The following KNCN variants were observed in gnomAD, a reference collection of about 807,000 sequenced individuals.
KNCN encodes kinocilin.
Under a neutral mutation model 10.4 loss-of-function variants are expected in KNCN, and 11 were observed. That is an observed-to-expected ratio of 1.06 (90% CI 0.67 to 1.75). KNCN has a LOEUF of 1.75. KNCN is among the 40% of genes most tolerant of loss of function. The pLI is 0.00. For missense variants in KNCN, 172 were observed against 167.1 expected (o/e 1.03, Z -0.16); for synonymous variants, 67 against 71.6 (o/e 0.94, Z 0.33).
chr1:46,549,956 C>T lies in KNCN; in HGVS notation c.198G>A (p.Leu66=), dbSNP rs756915785. 56 of 1,550,478 alleles carry T rather than the reference C, an allele frequency of 3.6e-5. No individual in the cohort carries two copies. Among genetic ancestry groups the T allele is most frequent in the Non-Finnish European group, 4.9e-5 (56 of 1,147,008 alleles). The change falls in exon 2 of 4, where the codon CTG becomes CTA. Residue 66 remains leucine (L), a synonymous_variant. Transcript: ENST00000481882. ...CACCTATGGTAGGCAGGATGTGGTC[C>T]AGGTTGAACCGAGCCTTCAGGAAGG... The part of the protein sequence containing the change: ...AYPFLKARFN[L]DHILPTIGSL...
chr1:46,547,917 C>A (rs1275488153), intron 3 of KNCN, 108 bp from the exon 4 acceptor site: 38 of 742,270 alleles, frequency 5.1e-5, no homozygotes, highest in Non-Finnish European at 7.4e-5. Context: ...CTGGTTGACC[C>A]CAGGGCAGAG....
At position 46,547,303 on chromosome 1, in the gene KNCN, TG is replaced by T. The variant is rs1666962766; in HGVS notation, c.*426del. On this transcript the variant is annotated 3_prime_UTR_variant, in exon 4 of 4. Transcript: ENST00000481882. The stretch of plus-strand genomic sequence containing the variant: ...ACCGTGGGGGTGGAGGGTCCCTGTC[TG>T]TGGTTCTTGTGGGCCTGTGGTTCAC... The T allele has an allele frequency of 9.0e-6, 4 of 444,284 alleles. No homozygotes were observed. The highest frequency in any genetic ancestry group is 4.9e-5 in the Admixed American group (2 of 41,102). 27.5% of individuals were successfully genotyped at this position (444,284 alleles called of 1,614,324 possible). A position where few individuals can be genotyped will look rare whatever the true frequency, so the allele number is the denominator to read the frequency against.
chr1:46,549,294 C>A (rs747434474), intron 2 of KNCN, 27 bp from the exon 3 acceptor site: 21 of 1,556,798 alleles, frequency 1.3e-5, no homozygotes, highest in Non-Finnish European at 1.7e-5. Context: ...CCCCAAGCCC[C>A]CTGATTACTG....
Position 46,551,137 on chromosome 1 carries a change from T to TGCTGCCA in KNCN, c.72_78dup (p.Ile27TrpfsTer98). 1 of 1,611,468 alleles carries TGCTGCCA rather than the reference T, an allele frequency of 6.2e-7. No individual in the cohort carries two copies. Among genetic ancestry groups the TGCTGCCA allele is most frequent in the Non-Finnish European group, 8.5e-7 (1 of 1,178,792 alleles). ...TTGGATACGGAGATGCCGATAATGA[T>TGCTGCCA]GCTGCCAGCCACCAGCCCGAGAGCC... On this transcript the variant is annotated frameshift_variant, in exon 1 of 4. Coordinates refer to ENST00000481882, the MANE Select transcript of KNCN (RefSeq NM_001322255.2). LOFTEE classifies it high-confidence loss of function. The surrounding 1 kb of genome is among the most constrained non-coding windows in gnomAD (Gnocchi z 4.0).
Position 46,547,005 on chromosome 1 carries a change from G to T in KNCN, c.*725C>A. ...CTTGTTCAGGGAGCAGTGAGAAGAT[G>T]GGAGGAAGAGAGAAGTCAGATCACA... On this transcript the variant is annotated 3_prime_UTR_variant, in exon 4 of 4. Coordinates refer to ENST00000481882, the MANE Select transcript of KNCN (RefSeq NM_001322255.2). The T allele has an allele frequency of 5.0e-6, 1 of 199,234 alleles. No individual in the cohort carries two copies. The highest frequency in any genetic ancestry group is 1.1e-5 in the Non-Finnish European group (1 of 94,792). 12.3% of individuals were successfully genotyped at this position (199,234 alleles called of 1,614,324 possible).
intron 1 of KNCN, among the ~76,000 whole-genome samples, chr1:46,550,593 C>A (rs1356055639): frequency 6.6e-6 from 1 of 152,160 alleles, no homozygotes; most frequent in Non-Finnish European, 1.5e-5. Context: ...GCGGGGCAAT[C>A]AGTGGGCGTG....
chr1:46,549,332 G>C, intron 2 of KNCN, 65 bp from the exon 3 acceptor site: 2 of 1,232,948 alleles, frequency 1.6e-6, no homozygotes, highest in South Asian at 2.8e-5. Context: ...AGCCTAGGTT[G>C]GGAAGGGAAG....
At chr1:46,548,859 G>T (rs1015560078) in intron 3 of KNCN, among the ~76,000 whole-genome samples, 4 of 152,366 alleles carry the variant, frequency 2.6e-5, no homozygotes, top group Admixed American at 2.6e-4. Flanking sequence ...GATGGATTCA[G>T]GCTGGGCACG....
rs1455861707 is a variant in KNCN, at chr1:46,549,248, G to T, written c.240C>A (p.Pro80=). Residue 80 remains proline, a synonymous_variant, in exon 3 of 4, where the codon CCC becomes CCA. Coordinates refer to ENST00000481882, the MANE Select transcript of KNCN (RefSeq NM_001322255.2). ...LPTIGSLRIH[P]HPGADHGEGR... ...CTTCCCCGTGGTCTGCCCCTGGATG[G>T]GGATGGATTCTTAGGCTCCCTGCAG... 1 of 1,613,158 alleles carries T rather than the reference G, an allele frequency of 6.2e-7. No homozygotes were observed. Among genetic ancestry groups the T allele is most frequent in the Admixed American group, 1.7e-5 (1 of 59,944 alleles).
rs766358880 is a variant in KNCN, at chr1:46,549,267, C to T, written c.221G>A (p.Gly74Glu). 2 of 1,611,900 alleles carry T rather than the reference C, an allele frequency of 1.2e-6. No homozygotes were observed. The highest frequency in any genetic ancestry group is 2.2e-5 in the South Asian group (2 of 90,596). Residue 74 changes from glycine to glutamate, a missense_variant and splice_region_variant, in exon 3 of 4, where the codon GGG (glycine) becomes GAG (glutamate). Transcript: ENST00000481882. The stretch of plus-strand genomic sequence containing the variant: ...TGGATGGGGATGGATTCTTAGGCTC[C>T]CTGCAGGATGAGACCACCCCAAGCC... ...FNLDHILPTI[G>E]SLRIHPHPGA...
intron 3 of KNCN, among the ~76,000 whole-genome samples, 183 bp from the exon 4 acceptor site, chr1:46,547,992 C>T (rs534397649): frequency 7.2e-5 from 11 of 152,174 alleles, no homozygotes; most frequent in Non-Finnish European, 1.3e-4. Context: ...AAAGAGGTAC[C>T]TCCAGTCAGG....
chr1:46,549,826 C>A, intron 2 of KNCN, 108 bp downstream of exon 2: 1 of 1,538,890 alleles, frequency 6.5e-7, no homozygotes, highest in South Asian at 1.2e-5. Flanking sequence ...CTAGCGCGGT[C>A]TCACACATGG....
At position 46,549,268 on chromosome 1, in the gene KNCN, C is replaced by T. The variant is rs1224768854; in HGVS notation, c.221-1G>A. ...GGATGGGGATGGATTCTTAGGCTCC[C>T]TGCAGGATGAGACCACCCCAAGCCC... On this transcript the variant is annotated splice_acceptor_variant, in intron 2 of 3. Transcript: ENST00000481882. LOFTEE classifies it high-confidence loss of function. 6.2e-7 allele frequency: 1 copy of T among 1,611,400 alleles called. No individual in the cohort carries two copies. Among genetic ancestry groups the T allele is most frequent in the South Asian group, 1.1e-5 (1 of 90,444 alleles).
chr1:46,550,079 G>C, intron 1 of KNCN, 77 bp from the exon 2 acceptor site: 2 of 1,548,804 alleles, frequency 1.3e-6, no homozygotes, highest in Middle Eastern at 2.0e-4. Flanking sequence ...CTGGGAGCCT[G>C]AGGGGTGGTT....
intron 2 of KNCN, chr1:46,549,675 G>A: frequency 3.4e-6 from 2 of 595,150 alleles, no homozygotes; most frequent in Non-Finnish European, 5.9e-6. Flanking sequence ...GCTTTGGGGA[G>A]TCATAAAATC....
In KNCN at chr1:46,547,716, G is replaced by A. The variant is rs1443210819; in HGVS notation, c.*14C>T. The A allele has an allele frequency of 5.3e-5, 81 of 1,516,230 alleles. No homozygotes were observed. Among genetic ancestry groups the A allele is most frequent in the Middle Eastern group, 1.7e-4 (1 of 5,734 alleles). The allele number at this position is 1,516,230 out of a possible 1,614,324, so 93.9% of individuals were successfully genotyped here. A position where few individuals can be genotyped will look rare whatever the true frequency, so the allele number is the denominator to read the frequency against. On this transcript the variant is annotated 3_prime_UTR_variant, in exon 4 of 4. Transcript: ENST00000481882. ...ATGGGAGGGCAGGGCATGGGCAGCC[G>A]CTCAGACTTTGCCTCAGCATTCCTC...
In KNCN at chr1:46,547,265, G is replaced by GC. The variant is rs1391045507; in HGVS notation, c.*464dup. On this transcript the variant is annotated 3_prime_UTR_variant, in exon 4 of 4. Transcript: ENST00000481882. ...CTCTATTGGGCTAGTGAGCTCTAGA[G>GC]CCCCTGGGCTAGACCGTGGGGGTGG... 2.6e-6 allele frequency: 1 copy of GC among 388,006 alleles called. No homozygotes were observed. Among genetic ancestry groups the GC allele is most frequent in the Non-Finnish European group, 5.1e-6 (1 of 197,178 alleles). The allele number at this position is 388,006 out of a possible 1,614,324, so 24.0% of individuals were successfully genotyped here. A position where few individuals can be genotyped will look rare whatever the true frequency, so the allele number is the denominator to read the frequency against.
At chr1:46,547,907 C>T (rs946696304) in intron 3 of KNCN, 98 bp from the exon 4 acceptor site, 2 of 825,006 alleles carry the variant, frequency 2.4e-6, no homozygotes, top group Non-Finnish European at 3.7e-6. Context: ...GCCGGGGTGC[C>T]TGGTTGACCC....
intron 2 of KNCN, chr1:46,549,655 G>A (rs1306880829): frequency 1.7e-6 from 1 of 573,786 alleles, no homozygotes; most frequent in Non-Finnish European, 3.1e-6. Flanking sequence ...GTTATTTAGA[G>A]ATGTTGGAGG....
Sources: allele counts gnomAD v4.1 joint callset (sites outside exome capture counted in the v4.1 genomes callset), GRCh38; gene constraint gnomAD v4.1.1; non-coding constraint Gnocchi (gnomAD v3.1); transcripts MANE v1.5; gene names NCBI Gene and HGNC (gene_info 2026-07-23, HGNC 2026-07-21).